The following TTC3 variants were observed in gnomAD, a reference collection of about 807,000 sequenced individuals.
TTC3 encodes E3 ubiquitin-protein ligase TTC3.
Under a neutral mutation model 249.6 loss-of-function variants are expected in TTC3, and 180 were observed. The ratio of observed to expected loss-of-function variants is 0.72; its 90% CI spans 0.64 to 0.82. The LOEUF is 0.82. Among genes scored for constraint, TTC3 ranks in the 40% least tolerant of loss-of-function variants. The pLI is 0.00. For synonymous variants in TTC3, 717 were observed against 805.0 expected, an observed-to-expected ratio of 0.89 and a Z score of 1.85; for missense variants, 2,061 against 2,398.4, an observed-to-expected ratio of 0.86 and a Z score of 2.94.
At chr21:37,180,754 G>A (rs1453445721) in intron 35 of TTC3, among the ~76,000 whole-genome samples, 10 of 96,402 alleles carry the variant, frequency 1.0e-4, no homozygotes, top group Admixed American at 1.2e-4. Context: ...AAAACTTAAA[G>A]TATAATAAAA....
At chr21:37,145,302 CAAAT>C (rs1431482996) in intron 21 of TTC3, among the ~76,000 whole-genome samples, 1 of 152,056 alleles carries the variant, frequency 6.6e-6, no homozygotes, top group African/African-American at 2.4e-5. Context: ...AATAAAAAGA[CAAAT>C]AATCTAAGAA....
chr21:37,133,064 ATTAAC>A (rs1464633711), intron 17 of TTC3, among the ~76,000 whole-genome samples: 1 of 152,192 alleles, frequency 6.6e-6, no homozygotes, highest in African/African-American at 2.4e-5. Context: ...TAATTTAAAT[ATTAAC>A]TTGATAATTA....
chr21:37,109,804 C>A (rs1242742998), intron 11 of TTC3, among the ~76,000 whole-genome samples: 1 of 152,244 alleles, frequency 6.6e-6, no homozygotes, highest in East Asian at 1.9e-4. Context: ...AACTGGGAGG[C>A]ACCCCCCAGT....
intron 42 of TTC3, among the ~76,000 whole-genome samples, chr21:37,196,237 C>CTT (rs35693053): frequency 2.2e-4 from 26 of 120,328 alleles, no homozygotes; most frequent in East Asian, 9.8e-4. Flanking sequence ...TTTTTTCTTT[C>CTT]TTTTTTTTTT....
intron 37 of TTC3, 70 bp downstream of exon 37, chr21:37,185,844 A>C (rs895397461): frequency 1.2e-6 from 1 of 810,612 alleles, no homozygotes; most frequent in African/African-American, 1.8e-5. Flanking sequence ...AGCACAGTAG[A>C]CTTTGAAATA....
chr21:37,085,156 A>T lies in TTC3; in HGVS notation c.-11-2091A>T, dbSNP rs576168188. The stretch of plus-strand genomic sequence containing the variant: ...GAGCACATTAATTGTATTGTAATTG[A>T]TGCCATGATGTGTGGGCTGTGACAG... On this transcript the variant is annotated intron_variant, in intron 1 of 45. Transcript: ENST00000355666. 1.4e-4 allele frequency among the ~76,000 whole-genome samples: 21 copies of T among 152,358 alleles called. No individual in the cohort carries two copies. In the South Asian group the frequency reaches 3.1e-3, roughly 23 times the overall value.
At chr21:37,133,264 A>G (rs928980815) in intron 17 of TTC3, among the ~76,000 whole-genome samples, 1 of 152,206 alleles carries the variant, frequency 6.6e-6, no homozygotes, top group African/African-American at 2.4e-5. Context: ...ATAATGTTGT[A>G]TATAAAATTC....
At chr21:37,189,754 G>A (rs1371615131) in intron 39 of TTC3, among the ~76,000 whole-genome samples, 1 of 151,866 alleles carries the variant, frequency 6.6e-6, no homozygotes, top group African/African-American at 2.4e-5. Flanking sequence ...CACCATATTA[G>A]CCAGGGTGGT....
intron 11 of TTC3, among the ~76,000 whole-genome samples, chr21:37,112,736 A>C (rs1024786930): frequency 3.2e-4 from 49 of 152,092 alleles, no homozygotes; most frequent in Non-Finnish European, 5.6e-4. Context: ...GAGACACAAC[A>C]AAAAAAGAGA....
chr21:37,109,435 G>T (rs1362457580), intron 11 of TTC3, among the ~76,000 whole-genome samples: 1 of 152,232 alleles, frequency 6.6e-6, no homozygotes, highest in African/African-American at 2.4e-5. Flanking sequence ...GGCTCGGAGG[G>T]TCCTACGCCC....
At chr21:37,170,915 T>A (rs1207451826) in intron 34 of TTC3, among the ~76,000 whole-genome samples, 3 of 152,198 alleles carry the variant, frequency 2.0e-5, no homozygotes, top group African/African-American at 7.2e-5. Flanking sequence ...AACAATAGTT[T>A]TTAAAAGATG....
chr21:37,079,517 GTTTTTTTT>G (rs60361476), intron 1 of TTC3, among the ~76,000 whole-genome samples: 234 of 91,016 alleles, frequency 2.6e-3, no homozygotes, highest in African/African-American at 0.01. Flanking sequence ...TTATGGTATG[GTTTTTTTT>G]TTTTTTTTTT....
At chr21:37,200,364 G>A in intron 45 of TTC3, 40 bp downstream of exon 45, 3 of 1,563,532 alleles carry the variant, frequency 1.9e-6, no homozygotes, top group Non-Finnish European at 2.6e-6. Context: ...CATGCATTGG[G>A]ACCTTCAAAT....
At chr21:37,117,996 A>G (rs912558024) in intron 11 of TTC3, among the ~76,000 whole-genome samples, 1 of 151,872 alleles carries the variant, frequency 6.6e-6, no homozygotes, top group Non-Finnish European at 1.5e-5. Context: ...CTCAGGGGAT[A>G]CTCTCTTTTG....
Position 37,192,110 on chromosome 21 carries a change from A to G in TTC3, c.5116-2A>G. ...TTCCCACACTTTACTTTCTACTCACAGTCTCAGTTTGAAGAACAAATTAAG... is the reference window on the plus strand; with the variant it reads ...TTCCCACACTTTACTTTCTACTCACGGTCTCAGTTTGAAGAACAAATTAAG... On this transcript the variant is annotated splice_acceptor_variant, in intron 40 of 45. Transcript: ENST00000355666. LOFTEE classifies it high-confidence loss of function. 1.3e-6 allele frequency: 2 copies of G among 1,584,324 alleles called. No homozygotes were observed. The highest frequency in any genetic ancestry group is 1.7e-6 in the Non-Finnish European group (2 of 1,163,030).
intron 13 of TTC3, among the ~76,000 whole-genome samples, chr21:37,124,194 A>G: frequency 8.0e-6 from 1 of 124,676 alleles, no homozygotes; most frequent in Non-Finnish European, 1.6e-5. Context: ...TGGGTCACTG[A>G]AACCTCCGCC....
In TTC3 at chr21:37,125,973, A is replaced by G. The variant is rs2077008526; in HGVS notation, c.1234-107A>G. Reference sequence around the variant, plus strand: ...TAACCAGCTGCATATTTTAGCTGCTAGGGTGAATTCTATCCTATTCTATTC... The same window carrying G: ...TAACCAGCTGCATATTTTAGCTGCTGGGGTGAATTCTATCCTATTCTATTC... On this transcript the variant is annotated intron_variant, in intron 14 of 45. Coordinates refer to ENST00000355666, the Ensembl canonical transcript of TTC3. 4 of 999,688 alleles carry G rather than the reference A, an allele frequency of 4.0e-6. No homozygotes were observed. In the Admixed American group the frequency reaches 8.1e-5, roughly 20 times the overall value. The allele number at this position is 999,688 out of a possible 1,614,324, so 61.9% of individuals were successfully genotyped here.
intron 16 of TTC3, 78 bp downstream of exon 16, chr21:37,129,141 G>C (rs1038113858): frequency 1.2e-5 from 12 of 967,414 alleles, no homozygotes; most frequent in African/African-American, 1.7e-5. Flanking sequence ...ATTGTTTTTC[G>C]AGTATTAGCT....
rs201574052 is a variant in TTC3, at chr21:37,162,000, T to A, written c.3107T>A (p.Val1036Asp). 6 of 1,589,238 alleles carry A rather than the reference T, an allele frequency of 3.8e-6. No homozygotes were observed. The African/African-American group carries it at 5.4e-5, about 14-fold the overall frequency. ...TGTCTTTTAAACCAGCCTATGTTAG[T>A]TGGGTCTGGAACAACTTCAGTAACT... The change falls in exon 31 of 46, where the codon GTT becomes GAT. Residue 1036 changes from valine (V) to aspartate (D), a missense_variant. Val to Asp is a radical substitution (Grantham distance 152). Around this residue, in one of 3 missense-constraint regions of TTC3, gnomAD observed 1,040 missense variants for 1,186.1 expected, o/e 0.88. Transcript: ENST00000355666.
Sources: allele counts gnomAD v4.1 joint callset (sites outside exome capture counted in the v4.1 genomes callset), GRCh38; gene constraint gnomAD v4.1.1; regional missense constraint gnomAD v4.1.1; transcripts MANE v1.5; gene names NCBI Gene and HGNC (gene_info 2026-07-23, HGNC 2026-07-21).